RBFOX1: variants seen among roughly 807,000 people sequenced by gnomAD.
RBFOX1 encodes RNA binding fox-1 homolog 1.
A neutral mutation model predicts 57.7 loss-of-function variants in RBFOX1; 8 were observed. That is an observed-to-expected ratio of 0.14 (90% confidence interval 0.08 to 0.25). RBFOX1 has a LOEUF of 0.25. Ranked by LOEUF, RBFOX1 falls within the 10% of genes least tolerant of loss-of-function variation. RBFOX1 has a pLI of 1.00. For missense variants in RBFOX1, 611 were observed against 548.5 expected (o/e 1.11, Z -1.14); for synonymous variants, 326 against 222.4 (o/e 1.47, Z -4.15).
At chr16:6,066,509 G>C (rs1301967853) in intron 1 of RBFOX1, among the ~76,000 whole-genome samples, 1 of 152,020 alleles carries the variant, frequency 6.6e-6, no homozygotes, top group Non-Finnish European at 1.5e-5. Flanking sequence ...GCAGTAAGGT[G>C]GTTATGCAGT....
At chr16:5,704,450 G>A (rs969634459) in intron 3 of RBFOX1, among the ~76,000 whole-genome samples, 5 of 152,136 alleles carry the variant, frequency 3.3e-5, no homozygotes, top group Admixed American at 1.3e-4. Context: ...GCACAGCTCT[G>A]TTGGCTTTTT....
At chr16:6,767,994 G>A (rs1289251381) in intron 3 of RBFOX1, among the ~76,000 whole-genome samples, 1 of 140,662 alleles carries the variant, frequency 7.1e-6, no homozygotes, top group Non-Finnish European at 1.5e-5. Flanking sequence ...AAGAAATTAT[G>A]GAGAAAACTG....
At chr16:5,408,352 C>T (rs1326066136) in intron 1 of RBFOX1, among the ~76,000 whole-genome samples, 1 of 152,210 alleles carries the variant, frequency 6.6e-6, no homozygotes, top group Non-Finnish European at 1.5e-5. Flanking sequence ...TCAATACATT[C>T]CTTTTTTTAT....
intron 1 of RBFOX1, among the ~76,000 whole-genome samples, chr16:5,240,495 G>A (rs182913005): frequency 1.3e-5 from 2 of 152,286 alleles, no homozygotes; most frequent in African/African-American, 2.4e-5. Context: ...TTATGGTGGG[G>A]GTAGAGGGGA....
At chr16:7,449,546 A>T (rs555971339) in intron 4 of RBFOX1, among the ~76,000 whole-genome samples, 15 of 152,034 alleles carry the variant, frequency 9.9e-5, no homozygotes, top group Non-Finnish European at 1.8e-4. Context: ...GTAATTTTGC[A>T]TTGTTTGTTT....
At chr16:7,329,221 A>G (rs1029644868) in intron 4 of RBFOX1, among the ~76,000 whole-genome samples, 3 of 152,230 alleles carry the variant, frequency 2.0e-5, no homozygotes, top group Non-Finnish European at 4.4e-5. Flanking sequence ...AGATGGCAAT[A>G]CACGGCTCTT....
chr16:6,564,569 C>G (rs940574172), intron 2 of RBFOX1, among the ~76,000 whole-genome samples: 2 of 152,076 alleles, frequency 1.3e-5, no homozygotes, highest in African/African-American at 4.8e-5. Flanking sequence ...ACCGCATGAT[C>G]TCACTGATAT....
chr16:7,107,906 A>G (rs1400239723), intron 4 of RBFOX1, among the ~76,000 whole-genome samples: 1 of 151,600 alleles, frequency 6.6e-6, no homozygotes, highest in South Asian at 2.1e-4. Context: ...CGGTGGAGGG[A>G]TTTTTCTGAC....
intron 2 of RBFOX1, among the ~76,000 whole-genome samples, chr16:6,357,966 A>G (rs868246349): frequency 2.6e-5 from 4 of 151,382 alleles, no homozygotes; most frequent in African/African-American, 9.7e-5. Flanking sequence ...CAAAAAAGAA[A>G]AAAAAAAAAA....
At chr16:5,906,130 A>G (rs1175106056) in intron 4 of RBFOX1, among the ~76,000 whole-genome samples, 1 of 152,120 alleles carries the variant, frequency 6.6e-6, no homozygotes, top group Non-Finnish European at 1.5e-5. Context: ...TCTTGACACA[A>G]GCATTAGGGA....
chr16:6,409,735 C>T (rs184074109), intron 2 of RBFOX1, among the ~76,000 whole-genome samples: 1 of 152,260 alleles, frequency 6.6e-6, no homozygotes, highest in East Asian at 1.9e-4. Flanking sequence ...TGTCTTAAGC[C>T]AGCAAGAAAT....
chr16:6,498,258 A>AC (rs202235885), intron 2 of RBFOX1, among the ~76,000 whole-genome samples: 2,237 of 149,020 alleles, frequency 0.015, 30 homozygotes, highest in Non-Finnish European at 0.024. Flanking sequence ...TCTCAAAACA[A>AC]AAAAAAAAAA....
chr16:6,971,656 G>A (rs1256960909), intron 3 of RBFOX1, among the ~76,000 whole-genome samples: 3 of 152,124 alleles, frequency 2.0e-5, no homozygotes, highest in Non-Finnish European at 4.4e-5. Flanking sequence ...CAATTAGGAA[G>A]CCATTGCAAT....
At chr16:5,423,256 C>G (rs143413067) in intron 1 of RBFOX1, among the ~76,000 whole-genome samples, 25 of 152,242 alleles carry the variant, frequency 1.6e-4, no homozygotes, top group African/African-American at 5.8e-4. Context: ...CCCAGTATCA[C>G]TATCAGGAAA....
At chr16:6,596,427 G>T (rs2097777206) in intron 2 of RBFOX1, among the ~76,000 whole-genome samples, 1 of 152,154 alleles carries the variant, frequency 6.6e-6, no homozygotes, top group Admixed American at 6.5e-5. Context: ...GTGCGTCACT[G>T]CAGTTGTTTA....
chr16:7,380,016 G>C (rs1308855533), intron 4 of RBFOX1, among the ~76,000 whole-genome samples: 1 of 152,076 alleles, frequency 6.6e-6, no homozygotes, highest in Non-Finnish European at 1.5e-5. Flanking sequence ...ACCAAACCTT[G>C]CTTATTTTTT....
chr16:6,091,996 C>T (rs764260551), intron 1 of RBFOX1, among the ~76,000 whole-genome samples: 1 of 152,174 alleles, frequency 6.6e-6, no homozygotes, highest in Non-Finnish European at 1.5e-5. Flanking sequence ...TCCACTCATT[C>T]CTCCATCTAT....
chr16:6,382,392 G>A (rs1280783421), intron 2 of RBFOX1, among the ~76,000 whole-genome samples: 1 of 152,214 alleles, frequency 6.6e-6, no homozygotes, highest in Non-Finnish European at 1.5e-5. Flanking sequence ...TTCTCCTGCA[G>A]AGTGGGTAAA....
At chr16:5,286,413 AG>A (rs1455348254) in intron 1 of RBFOX1, among the ~76,000 whole-genome samples, 1 of 152,216 alleles carries the variant, frequency 6.6e-6, no homozygotes, top group Admixed American at 6.5e-5. Flanking sequence ...GCCTCTCAGT[AG>A]TAAGTGTGAG....
Sources: allele counts gnomAD v4.1 joint callset (sites outside exome capture counted in the v4.1 genomes callset), GRCh38; gene constraint gnomAD v4.1.1; transcripts MANE v1.5; gene names NCBI Gene and HGNC (gene_info 2026-07-23, HGNC 2026-07-21).